Variants in KALRN observed in about 807,000 individuals in gnomAD.
KALRN encodes the protein kalirin.
KALRN carries 70 observed loss-of-function variants against 353.7 expected under a neutral mutation model. The ratio of observed to expected loss-of-function variants is 0.20; its 90% CI spans 0.16 to 0.24. KALRN has a LOEUF of 0.24. KALRN is among the 10% of genes least tolerant of loss of function. The pLI is 1.00. For synonymous variants in KALRN, 1,391 were observed against 1,434.8 expected, an observed-to-expected ratio of 0.97 and a Z score of 0.69; for missense variants, 2,791 against 3,756.7, an observed-to-expected ratio of 0.74 and a Z score of 6.72.
chr3:124,711,839 A>G (rs1194099289), intron 57 of KALRN, among the ~76,000 whole-genome samples: 1 of 152,224 alleles, frequency 6.6e-6, no homozygotes, highest in Non-Finnish European at 1.5e-5. Flanking sequence ...AAAATTGATT[A>G]AATTGTTCAT....
intron 1 of KALRN, among the ~76,000 whole-genome samples, chr3:124,129,504 A>G (rs979013315): frequency 2.6e-5 from 4 of 152,148 alleles, no homozygotes; most frequent in Non-Finnish European, 5.9e-5. Flanking sequence ...GTCAGGGAAT[A>G]TGTCTTGTCT....
intron 14 of KALRN, among the ~76,000 whole-genome samples, chr3:124,422,567 A>G (rs2092828910): frequency 6.6e-6 from 1 of 152,164 alleles, no homozygotes; most frequent in African/African-American, 2.4e-5. Flanking sequence ...TCCTGTTGAT[A>G]ATAAGGAACT....
chr3:124,476,056 T>C (rs1196419208), intron 26 of KALRN, among the ~76,000 whole-genome samples: 1 of 152,046 alleles, frequency 6.6e-6, no homozygotes, highest in South Asian at 2.1e-4. Flanking sequence ...CATCATCTCC[T>C]AGGTAGTACA....
chr3:124,045,088 G>A (rs762602858), intron 1 of KALRN, among the ~76,000 whole-genome samples: 4 of 152,088 alleles, frequency 2.6e-5, no homozygotes, highest in South Asian at 2.1e-4. Context: ...CATCTATGGG[G>A]TGGGGGCACA....
intron 1 of KALRN, among the ~76,000 whole-genome samples, chr3:124,050,588 G>T (rs753648767): frequency 4.6e-5 from 7 of 152,304 alleles, no homozygotes; most frequent in African/African-American, 7.2e-5. Context: ...CTCTGGTTGA[G>T]CCTTAAGGTG....
At chr3:124,203,366 A>T (rs2076124545) in intron 1 of KALRN, among the ~76,000 whole-genome samples, 1 of 152,118 alleles carries the variant, frequency 6.6e-6, no homozygotes, top group Admixed American at 6.5e-5. Flanking sequence ...TTTGGTGGGG[A>T]TGGAAATTAA....
Position 124,334,486 on chromosome 3 carries a change from T to A in KALRN, c.1638T>A (p.Asp546Glu). ...TGCAGCTCTGCGTCTTCCAGCAGGA[T>A]GTACAGCAGGTAACAGGCTCTGAGC... is the stretch of plus-strand genomic sequence containing the variant. ...QRLQLCVFQQ[D>E]VQQVLDWIEN... Residue 546 changes from aspartate to glutamate, a missense_variant, in exon 9 of 60, where the codon GAT becomes GAA. Physicochemically the swap from Asp to Glu is conservative, Grantham distance 45. Around this residue, in one of 11 missense-constraint regions of KALRN, gnomAD observed 366 missense variants for 489.2 expected, o/e 0.75. Coordinates refer to ENST00000682506, the MANE Select transcript of KALRN (RefSeq NM_001388419.1). The surrounding 1 kb of genome is among the most constrained non-coding windows in gnomAD (Gnocchi z 4.2). 1 of 1,612,510 alleles carries A rather than the reference T, an allele frequency of 6.2e-7. No homozygotes were observed. The highest frequency in any genetic ancestry group is 8.5e-7 in the Non-Finnish European group (1 of 1,178,862).
At chr3:124,372,897 T>A (rs1031520240) in intron 10 of KALRN, among the ~76,000 whole-genome samples, 1 of 54,478 alleles carries the variant, frequency 1.8e-5, no homozygotes, top group African/African-American at 8.3e-5. Flanking sequence ...AGCCCTTCCC[T>A]TGGATGAGCG....
At chr3:124,645,359 T>C (rs1040878857) in intron 37 of KALRN, among the ~76,000 whole-genome samples, 2 of 152,238 alleles carry the variant, frequency 1.3e-5, no homozygotes, top group Admixed American at 6.5e-5. Flanking sequence ...ATTTTGGCTT[T>C]TGTTGCCATT....
chr3:124,183,749 G>A (rs2073897398), intron 1 of KALRN, among the ~76,000 whole-genome samples: 2 of 152,180 alleles, frequency 1.3e-5, no homozygotes, highest in African/African-American at 4.8e-5. Flanking sequence ...TATGGTTTAA[G>A]CCACCCAGTC....
intron 21 of KALRN, among the ~76,000 whole-genome samples, chr3:124,453,603 C>T (rs1300765706): frequency 6.6e-6 from 1 of 152,194 alleles, no homozygotes; most frequent in African/African-American, 2.4e-5. Flanking sequence ...TCCCTGATAT[C>T]TAGATTGTAG....
At chr3:124,490,183 G>C (rs1024892089) in intron 29 of KALRN, among the ~76,000 whole-genome samples, 1 of 152,082 alleles carries the variant, frequency 6.6e-6, no homozygotes. Context: ...ACTTGAACCT[G>C]GGAGTTCAAG....
intron 1 of KALRN, among the ~76,000 whole-genome samples, chr3:124,086,574 T>G (rs6773078): frequency 0.29 from 43,740 of 151,978 alleles, 7,173 homozygotes; most frequent in East Asian, 0.46. Flanking sequence ...TTAGAGATAT[T>G]AACCCTTTGT....
At chr3:124,680,600 G>A (rs557076263) in intron 51 of KALRN, among the ~76,000 whole-genome samples, 22 of 152,244 alleles carry the variant, frequency 1.4e-4, no homozygotes, top group African/African-American at 4.8e-4. Context: ...ATTCTAATTT[G>A]ACCTAATCCC....
intron 49 of KALRN, chr3:124,674,867 T>G (rs949815572): frequency 2.6e-6 from 1 of 390,814 alleles, no homozygotes; most frequent in Non-Finnish European, 4.5e-6. Flanking sequence ...CTGTTCATTT[T>G]TCCCCCTTTC....
intron 3 of KALRN, among the ~76,000 whole-genome samples, chr3:124,243,381 G>T (rs2080741682): frequency 6.6e-6 from 1 of 152,150 alleles, no homozygotes; most frequent in South Asian, 2.1e-4. Flanking sequence ...ATTCCCTGGA[G>T]AACAATAACT....
At chr3:124,612,253 G>C (rs759312335) in intron 34 of KALRN, among the ~76,000 whole-genome samples, 1 of 151,880 alleles carries the variant, frequency 6.6e-6, no homozygotes, top group Admixed American at 6.6e-5. Context: ...ACCCAGGCTG[G>C]AGTGCAATGG....
At position 124,411,433 on chromosome 3, in the gene KALRN, C is replaced by CTT. The variant is rs61485429; in HGVS notation, c.2347-2010_2347-2009dup. On this transcript the variant is annotated intron_variant, in intron 13 of 59. Coordinates refer to ENST00000682506, the MANE Select transcript of KALRN (RefSeq NM_001388419.1). ...AAGCCTATGTATACTTTAAATTATG[C>CTT]TTTTTTTTTTTTTTTTTTTTTTTTT... 9.0e-3 allele frequency among the ~76,000 whole-genome samples: 463 copies of CTT among 51,450 alleles called. 69 individuals are homozygous for CTT. The highest frequency in any genetic ancestry group is 0.024 in the African/African-American group (374 of 15,904). 33.8% of individuals were successfully genotyped at this position (51,450 alleles called of 152,430 possible).
intron 37 of KALRN, among the ~76,000 whole-genome samples, chr3:124,648,310 C>T (rs1258718039): frequency 3.3e-5 from 5 of 152,220 alleles, no homozygotes; most frequent in Non-Finnish European, 4.4e-5. Flanking sequence ...CCAGAGAGTC[C>T]TCCCCTAGAG....
Sources: allele counts gnomAD v4.1 joint callset (sites outside exome capture counted in the v4.1 genomes callset), GRCh38; gene constraint gnomAD v4.1.1; regional missense constraint gnomAD v4.1.1; non-coding constraint Gnocchi (gnomAD v3.1); transcripts MANE v1.5; gene names NCBI Gene and HGNC (gene_info 2026-07-23, HGNC 2026-07-21).